ZBTB20: variants seen among roughly 807,000 people sequenced by gnomAD.
ZBTB20 encodes zinc finger and BTB domain-containing protein 20.
Under a neutral mutation model 56.9 loss-of-function variants are expected in ZBTB20, and 9 were observed. The ratio of observed to expected loss-of-function variants is 0.16; its 90% CI spans 0.10 to 0.28. The LOEUF (loss-of-function observed/expected upper bound fraction) is 0.28, where lower values mean the gene tolerates loss of function less well. Among genes scored for constraint, ZBTB20 ranks in the 10% least tolerant of loss-of-function variants. ZBTB20 has a pLI of 1.00. For synonymous variants in ZBTB20, 417 were observed against 420.7 expected (o/e 0.99, Z 0.11); for missense variants, 655 against 1,003.0 (o/e 0.65, Z 4.69).
chr3:115,068,846 T>C (rs1446955249), intron 2 of ZBTB20, among the ~76,000 whole-genome samples: 1 of 152,056 alleles, frequency 6.6e-6, no homozygotes, highest in Non-Finnish European at 1.5e-5. Context: ...AAATGCCATG[T>C]AAATCACTGT....
chr3:114,623,580 A>G (rs533503187), intron 6 of ZBTB20, among the ~76,000 whole-genome samples: 2 of 152,256 alleles, frequency 1.3e-5, no homozygotes, highest in South Asian at 4.1e-4. Context: ...AAAAGCAACC[A>G]GTTGTTAGCA....
At chr3:114,340,879 T>G (rs1023163592) in intron 11 of ZBTB20, among the ~76,000 whole-genome samples, 4 of 152,254 alleles carry the variant, frequency 2.6e-5, no homozygotes, top group African/African-American at 9.6e-5. Flanking sequence ...CTTGACTGTT[T>G]TTCATTTTTT....
intron 1 of ZBTB20, among the ~76,000 whole-genome samples, chr3:115,098,292 A>AT (rs1221705542): frequency 1.3e-5 from 2 of 152,224 alleles, no homozygotes; most frequent in South Asian, 2.1e-4. Context: ...ATTTCTATTG[A>AT]TAAAAACAGT....
chr3:114,876,010 G>C (rs1482865382), intron 4 of ZBTB20, among the ~76,000 whole-genome samples: 1 of 152,044 alleles, frequency 6.6e-6, no homozygotes, highest in African/African-American at 2.4e-5. Context: ...AAGGCAGGAA[G>C]ATCACTTGAG....
chr3:115,025,664 A>C (rs761468717), intron 2 of ZBTB20, among the ~76,000 whole-genome samples: 22 of 150,790 alleles, frequency 1.5e-4, no homozygotes, highest in Non-Finnish European at 2.5e-4. Flanking sequence ...GAAAAAAATT[A>C]GTATCTGTGG....
intron 4 of ZBTB20, among the ~76,000 whole-genome samples, chr3:114,852,511 G>A (rs1214960571): frequency 4.6e-5 from 7 of 152,132 alleles, no homozygotes; most frequent in East Asian, 1.9e-4. Context: ...TGATCCACCC[G>A]CCGCAGCCTC....
intron 6 of ZBTB20, among the ~76,000 whole-genome samples, chr3:114,510,871 G>A (rs900153753): frequency 2.6e-5 from 4 of 151,958 alleles, no homozygotes; most frequent in Admixed American, 2.0e-4. Context: ...TCCCTATCCC[G>A]AATAGCTTCA....
intron 6 of ZBTB20, among the ~76,000 whole-genome samples, chr3:114,675,432 A>T (rs986686716): frequency 2.6e-5 from 4 of 152,126 alleles, no homozygotes; most frequent in Admixed American, 1.3e-4. Flanking sequence ...TGCGAGCTGT[A>T]GGGTTAGCAT....
chr3:115,092,391 C>A (rs1355639474), intron 1 of ZBTB20, among the ~76,000 whole-genome samples: 2 of 151,978 alleles, frequency 1.3e-5, no homozygotes, highest in African/African-American at 2.4e-5. Flanking sequence ...CAGAATAGAC[C>A]CTATTGTGAC....
intron 3 of ZBTB20, among the ~76,000 whole-genome samples, chr3:114,956,528 T>C (rs1029613275): frequency 2.0e-5 from 3 of 152,168 alleles, no homozygotes; most frequent in East Asian, 3.8e-4. Context: ...CTGGGAATCA[T>C]AGATTAGATT....
intron 1 of ZBTB20, among the ~76,000 whole-genome samples, chr3:115,105,122 T>G (rs538267805): frequency 1.3e-5 from 2 of 152,344 alleles, no homozygotes; most frequent in Admixed American, 6.5e-5. Flanking sequence ...GCAACCATCC[T>G]GAGTTTCAGT....
intron 6 of ZBTB20, among the ~76,000 whole-genome samples, chr3:114,522,516 A>G (rs1176139685): frequency 1.3e-5 from 2 of 152,204 alleles, no homozygotes; most frequent in African/African-American, 2.4e-5. Flanking sequence ...TACATTACAT[A>G]TATTGCAAAG....
intron 6 of ZBTB20, among the ~76,000 whole-genome samples, chr3:114,619,451 A>C (rs1055217436): frequency 1.3e-5 from 2 of 152,174 alleles, no homozygotes; most frequent in Admixed American, 6.5e-5. Context: ...TTGACAATTG[A>C]AAATGGGTAA....
chr3:115,104,052 A>T lies in ZBTB20; in HGVS notation c.-702-32638T>A, dbSNP rs192891366. Among the ~76,000 whole-genome samples, 56 of 152,320 alleles carry T rather than the reference A, an allele frequency of 3.7e-4. 1 individual carries two copies. The South Asian group carries it at 0.01, about 28-fold the overall frequency. ...AAATGGGCAGAAGACTTTAACAGTG[A>T]CCTCACCAAAGAAGATATACAGATG... On this transcript the variant is annotated intron_variant, in intron 1 of 11. Transcript: ENST00000675478.
At chr3:115,128,240 C>T (rs1560593377) in intron 1 of ZBTB20, among the ~76,000 whole-genome samples, 1 of 152,102 alleles carries the variant, frequency 6.6e-6, no homozygotes, top group East Asian at 1.9e-4. Context: ...ATAATCAATA[C>T]ACAAGTAGAA....
rs1242045306 is a variant in ZBTB20, at chr3:114,355,124, A to G, written c.200-3246T>C. Among the ~76,000 whole-genome samples, 3 of 152,208 alleles carry G rather than the reference A, an allele frequency of 2.0e-5. No individual in the cohort carries two copies. In the East Asian group the frequency reaches 5.8e-4, roughly 29 times the overall value. ...AAAAAGAAAGACACTGAAAGTAATG[A>G]TGAAGGTTGCTTTAGAGATAAGAAA... On this transcript the variant is annotated intron_variant, in intron 10 of 11. Transcript: ENST00000675478.
chr3:114,804,287 C>T (rs932627501), intron 4 of ZBTB20, among the ~76,000 whole-genome samples: 1 of 151,898 alleles, frequency 6.6e-6, no homozygotes, highest in Non-Finnish European at 1.5e-5. Context: ...CCATTGACTA[C>T]GAACAAAGGG....
chr3:114,580,162 G>A (rs1238743241), intron 6 of ZBTB20, among the ~76,000 whole-genome samples: 1 of 151,382 alleles, frequency 6.6e-6, no homozygotes, highest in East Asian at 1.9e-4. Flanking sequence ...AATACACCAA[G>A]AGCAAGAATA....
intron 1 of ZBTB20, among the ~76,000 whole-genome samples, chr3:115,135,475 C>T (rs2084629169): frequency 6.6e-6 from 1 of 152,246 alleles, no homozygotes; most frequent in Admixed American, 6.5e-5. Flanking sequence ...TCGTGAAATA[C>T]ACTCCAGCTA....
Sources: allele counts gnomAD v4.1 joint callset (sites outside exome capture counted in the v4.1 genomes callset), GRCh38; gene constraint gnomAD v4.1.1; transcripts MANE v1.5; gene names NCBI Gene and HGNC (gene_info 2026-07-23, HGNC 2026-07-21).